TSHZ2: variants seen among roughly 807,000 people sequenced by gnomAD.
TSHZ2 encodes teashirt homolog 2.
Under a neutral mutation model 74.4 loss-of-function variants are expected in TSHZ2, and 21 were observed. The ratio of observed to expected loss-of-function variants is 0.28; its 90% CI spans 0.20 to 0.41. The LOEUF is 0.41. TSHZ2 is among the 10% of genes least tolerant of loss of function. The pLI is 1.00. For missense variants in TSHZ2, 1,244 were observed against 1,293.5 expected, an observed-to-expected ratio of 0.96 and a Z score of 0.59; for synonymous variants, 540 against 515.3, an observed-to-expected ratio of 1.05 and a Z score of -0.65.
Position 53,490,835 on chromosome 20 carries a change from T to C in TSHZ2, c.*3700T>C, listed in dbSNP as rs758565827. 1 of 152,228 alleles carries C rather than the reference T, an allele frequency of 6.6e-6. No homozygotes were observed. The highest frequency in any genetic ancestry group is 2.4e-5 in the African/African-American group (1 of 41,468). 9.4% of individuals were successfully genotyped at this position (152,228 alleles called of 1,614,324 possible). On this transcript the variant is annotated 3_prime_UTR_variant, in exon 3 of 3. Coordinates refer to ENST00000371497, the MANE Select transcript of TSHZ2 (RefSeq NM_173485.6). ...ATGAGTGTGTATTCATATATATGTG[T>C]ATACATATGAATTTCACTGTTATTT...
At chr20:53,332,889 G>A (rs1467642499) in intron 2 of TSHZ2, among the ~76,000 whole-genome samples, 1 of 152,106 alleles carries the variant, frequency 6.6e-6, no homozygotes, top group African/African-American at 2.4e-5. Context: ...AAAACCTACT[G>A]CATCTGGTGC....
At chr20:53,013,452 C>T (rs1465305131) in intron 1 of TSHZ2, among the ~76,000 whole-genome samples, 1 of 152,170 alleles carries the variant, frequency 6.6e-6, no homozygotes, top group African/African-American at 2.4e-5. Context: ...TCTGGAACTT[C>T]AACTGTTCTC....
At chr20:53,345,292 C>T (rs1712719158) in intron 2 of TSHZ2, among the ~76,000 whole-genome samples, 1 of 151,966 alleles carries the variant, frequency 6.6e-6, no homozygotes, top group Admixed American at 6.6e-5. Flanking sequence ...AAAATTCTCT[C>T]ACAAGGCAGT....
At chr20:53,118,273 T>C (rs1986721953) in intron 1 of TSHZ2, among the ~76,000 whole-genome samples, 1 of 152,112 alleles carries the variant, frequency 6.6e-6, no homozygotes, top group African/African-American at 2.4e-5. Context: ...ATTTTAATTT[T>C]AGGGGAGCGG....
chr20:53,170,087 G>C (rs1988160775), intron 1 of TSHZ2, among the ~76,000 whole-genome samples: 1 of 152,138 alleles, frequency 6.6e-6, no homozygotes, highest in Non-Finnish European at 1.5e-5. Flanking sequence ...GCTTGCAGAG[G>C]AAAATCAACT....
At chr20:53,230,359 T>TTCCCTCTCTCCTTCCTTC (rs776303285) in intron 1 of TSHZ2, among the ~76,000 whole-genome samples, 1 of 152,182 alleles carries the variant, frequency 6.6e-6, no homozygotes, top group Non-Finnish European at 1.5e-5. Context: ...TCTTCTCCTT[T>TTCCCTCTCTCCTTCCTTC]TCCCTCTCTC....
intron 1 of TSHZ2, chr20:53,178,904 C>G (rs1988406688): frequency 6.6e-6 from 1 of 152,206 alleles, no homozygotes; most frequent in Non-Finnish European, 1.5e-5. Flanking sequence ...CACATGTACT[C>G]TTTGAAGTAG....
chr20:53,158,080 A>G (rs1987839212), intron 1 of TSHZ2, among the ~76,000 whole-genome samples: 1 of 152,170 alleles, frequency 6.6e-6, no homozygotes, highest in Admixed American at 6.5e-5. Flanking sequence ...CAAGATCTGA[A>G]TGAAGTGAGG....
intron 2 of TSHZ2, among the ~76,000 whole-genome samples, chr20:53,263,223 T>A (rs1370853126): frequency 6.6e-6 from 1 of 152,214 alleles, no homozygotes; most frequent in African/African-American, 2.4e-5. Context: ...TTTTTCTCAA[T>A]GAATTTTGGG....
At chr20:53,125,661 A>G (rs892603902) in intron 1 of TSHZ2, among the ~76,000 whole-genome samples, 1 of 152,128 alleles carries the variant, frequency 6.6e-6, no homozygotes, top group African/African-American at 2.4e-5. Flanking sequence ...CCTTTTCAGA[A>G]TACTGTTTTT....
At chr20:53,209,007 C>T (rs1001558204) in intron 1 of TSHZ2, among the ~76,000 whole-genome samples, 3 of 152,178 alleles carry the variant, frequency 2.0e-5, no homozygotes, top group African/African-American at 7.2e-5. Flanking sequence ...TCCACCTACC[C>T]ATTTTGACTT....
chr20:53,270,401 A>G (rs537820883), intron 2 of TSHZ2, among the ~76,000 whole-genome samples: 6 of 152,248 alleles, frequency 3.9e-5, no homozygotes, highest in Middle Eastern at 3.4e-3. Context: ...CCTAAATTCT[A>G]TAAAGAAGGA....
In TSHZ2 at chr20:53,001,230, G is replaced by GTGTGTGTGTGTGTGTGTA. The variant is rs1555813628; in HGVS notation, c.40+27914_40+27915insATGTGTGTGTGTGTGTGT. On this transcript the variant is annotated intron_variant, in intron 1 of 2. Transcript: ENST00000371497. The stretch of plus-strand genomic sequence containing the variant: ...CGTGTGTGTGTGTGTGTGTGTGTGT[G>GTGTGTGTGTGTGTGTGTA]TGTGTGTGTGTGTGTGTGTGTGTGT... Among the ~76,000 whole-genome samples the GTGTGTGTGTGTGTGTGTA allele has an allele frequency of 3.5e-3, 441 of 126,080 alleles. 2 individuals carry two copies. The highest frequency in any genetic ancestry group is 6.3e-3 in the African/African-American group (212 of 33,808). 82.7% of individuals were successfully genotyped at this position (126,080 alleles called of 152,430 possible).
rs539973631 is a variant in TSHZ2 at position 53,138,647 on chromosome 20, T to A, written c.41-114852T>A. On this transcript the variant is annotated intron_variant, in intron 1 of 2. Coordinates refer to ENST00000371497, the MANE Select transcript of TSHZ2 (RefSeq NM_173485.6). ...GATTGTATTTTTCTACCTGATGGAC[T>A]TCTATATATACTTCAAAACCCAGTT... Among the ~76,000 whole-genome samples, 6 of 152,302 alleles carry A rather than the reference T, an allele frequency of 3.9e-5. No individual in the cohort carries two copies. The South Asian group carries it at 1.2e-3, about 32-fold the overall frequency.
intron 1 of TSHZ2, 23 bp downstream of exon 1, chr20:52,973,356 G>A (rs1393863412): frequency 1.9e-6 from 3 of 1,550,778 alleles, no homozygotes; most frequent in Non-Finnish European, 1.7e-6. Flanking sequence ...GCTCCGCTTC[G>A]GGGCTGCCCT....
intron 2 of TSHZ2, among the ~76,000 whole-genome samples, chr20:53,383,776 T>C (rs536653029): frequency 6.6e-6 from 1 of 151,990 alleles, no homozygotes; most frequent in South Asian, 2.1e-4. Context: ...ATAATAACAA[T>C]AATAATAATA....
intron 2 of TSHZ2, among the ~76,000 whole-genome samples, chr20:53,485,708 C>CA (rs11480327): frequency 0.34 from 41,746 of 124,520 alleles, 6,021 homozygotes; most frequent in East Asian, 0.5. Flanking sequence ...GGCTCCAGCA[C>CA]AAAAAAAAAA....
At chr20:53,244,458 GTGTAAGGATAA>G (rs753221726) in intron 1 of TSHZ2, among the ~76,000 whole-genome samples, 5 of 152,070 alleles carry the variant, frequency 3.3e-5, no homozygotes, top group African/African-American at 7.2e-5. Context: ...GACTCTCTGG[GTGTAAGGATAA>G]TGTAAGGATA....
intron 2 of TSHZ2, among the ~76,000 whole-genome samples, chr20:53,342,560 A>G (rs1033463362): frequency 6.6e-6 from 1 of 152,114 alleles, no homozygotes. Context: ...TTCTGTCTCA[A>G]GTACCCTGCA....
Sources: gnomAD v4.1 joint callset for allele counts (sites outside exome capture counted in the v4.1 genomes callset) on GRCh38, gnomAD v4.1.1 for gene constraint, MANE v1.5 for transcripts, NCBI Gene and HGNC (gene_info 2026-07-23, HGNC 2026-07-21) for gene names.